Variants in NCKAP1 observed in about 807,000 individuals in gnomAD.
NCKAP1 encodes NCK associated protein 1.
NCKAP1 carries 21 observed loss-of-function variants against 151.2 expected under a neutral mutation model. The ratio of observed to expected loss-of-function variants is 0.14; its 90% CI spans 0.10 to 0.20. NCKAP1 has a LOEUF of 0.20. Ranked by LOEUF, NCKAP1 falls within the 10% of genes least tolerant of loss-of-function variation. The pLI is 1.00. For synonymous variants in NCKAP1, 484 were observed against 451.8 expected, an observed-to-expected ratio of 1.07 and a Z score of -0.90; for missense variants, 933 against 1,352.1, an observed-to-expected ratio of 0.69 and a Z score of 4.86.
chr2:183,025,614 A>C (rs1229315143), intron 1 of NCKAP1, among the ~76,000 whole-genome samples: 1 of 152,164 alleles, frequency 6.6e-6, no homozygotes, highest in African/African-American at 2.4e-5. Context: ...CTACTATGTA[A>C]ATTCCATTTC....
chr2:182,911,201 C>T lies in NCKAP1; in HGVS notation c.*14501G>A, dbSNP rs980265165. The T allele has an allele frequency of 6.6e-6, 1 of 152,592 alleles. No homozygotes were observed. 9.5% of individuals were successfully genotyped at this position (152,592 alleles called of 1,614,324 possible). A position where few individuals can be genotyped will look rare whatever the true frequency, so the allele number is the denominator to read the frequency against. On this transcript the variant is annotated 3_prime_UTR_variant, in exon 31 of 31. Transcript: ENST00000361354. ...TCCCTTTTTGCTCTTTGACAACTGA[C>T]CAGCATTCCTTCCTATTAAGGGAGT...
intron 14 of NCKAP1, among the ~76,000 whole-genome samples, chr2:182,978,618 T>C (rs889837754): frequency 1.3e-5 from 2 of 152,112 alleles, no homozygotes; most frequent in African/African-American, 2.4e-5. Context: ...TACAAAATGC[T>C]TTTTTTCCTG....
chr2:182,922,399 AAAGC>A lies in NCKAP1; in HGVS notation c.*3299_*3302del, dbSNP rs1428335013. ...GAACTCTGCTATATAAGCAAAGAAG[AAAGC>A]AAGCAAGCACATGATCAGAAGAGAA... is the stretch of plus-strand genomic sequence containing the variant. On this transcript the variant is annotated 3_prime_UTR_variant, in exon 31 of 31. Coordinates refer to ENST00000361354, the MANE Select transcript of NCKAP1 (RefSeq NM_013436.5). 6.6e-6 allele frequency: 1 copy of A among 152,226 alleles called. No individual in the cohort carries two copies. Among genetic ancestry groups the A allele is most frequent in the Non-Finnish European group, 1.5e-5 (1 of 68,054 alleles). The allele number at this position is 152,226 out of a possible 1,614,324, so 9.4% of individuals were successfully genotyped here. A position where few individuals can be genotyped will look rare whatever the true frequency, so the allele number is the denominator to read the frequency against.
intron 26 of NCKAP1, 92 bp from the exon 27 acceptor site, chr2:182,930,880 C>A: frequency 9.0e-7 from 1 of 1,112,936 alleles, no homozygotes; most frequent in Non-Finnish European, 1.3e-6. Flanking sequence ...AGAAGAACAC[C>A]AGAGAATTTC....
At chr2:182,938,200 C>T (rs1216275557) in intron 24 of NCKAP1, among the ~76,000 whole-genome samples, 1 of 151,854 alleles carries the variant, frequency 6.6e-6, no homozygotes, top group Non-Finnish European at 1.5e-5. Flanking sequence ...ATCTGGAGAT[C>T]AATAGAAGAG....
Position 182,976,963 on chromosome 2 carries a change from G to GAAAA in NCKAP1, c.1424-16_1424-13dup. ...TTCCCCATCTTCAACTGTAGTAATA[G>GAAAA]AAAAAAAAAAAAGATTACAAAGCAA... On this transcript the variant is annotated splice_polypyrimidine_tract_variant and intron_variant, in intron 14 of 30. Transcript: ENST00000361354. 1 of 1,173,766 alleles carries GAAAA rather than the reference G, an allele frequency of 8.5e-7. No individual in the cohort carries two copies. Among genetic ancestry groups the GAAAA allele is most frequent in the South Asian group, 1.7e-5 (1 of 57,942 alleles). 72.7% of individuals were successfully genotyped at this position (1,173,766 alleles called of 1,614,324 possible).
rs1696443900 is a variant in NCKAP1, at chr2:182,914,904, C to T, written c.*10798G>A. ...GAGGAGCATTGACTACCTTTTCCATCCCTTCCCTTTAAAGAAATCAGATTT... is the reference window on the plus strand; with the variant it reads ...GAGGAGCATTGACTACCTTTTCCATTCCTTCCCTTTAAAGAAATCAGATTT... On this transcript the variant is annotated 3_prime_UTR_variant, in exon 31 of 31. Coordinates refer to ENST00000361354, the MANE Select transcript of NCKAP1 (RefSeq NM_013436.5). 2.0e-5 allele frequency: 3 copies of T among 152,142 alleles called. No individual in the cohort carries two copies. The South Asian group carries it at 6.2e-4, about 32-fold the overall frequency. 9.4% of individuals were successfully genotyped at this position (152,142 alleles called of 1,614,324 possible).
rs188511922 is a variant in NCKAP1, at chr2:182,919,150, T to C, written c.*6552A>G. On this transcript the variant is annotated 3_prime_UTR_variant, in exon 31 of 31. Transcript: ENST00000361354. ...GGCTTTCAATAAACATTAGCTCTCA[T>C]TATTATTCTAGTCAGCATTTTTGGC... 12 of 152,330 alleles carry C rather than the reference T, an allele frequency of 7.9e-5. No homozygotes were observed. The highest frequency in any genetic ancestry group is 3.4e-3 in the Middle Eastern group (1 of 292). The allele number at this position is 152,330 out of a possible 1,614,324, so 9.4% of individuals were successfully genotyped here. A position where few individuals can be genotyped will look rare whatever the true frequency, so the allele number is the denominator to read the frequency against.
chr2:182,998,370 G>C (rs1698311531), intron 6 of NCKAP1, among the ~76,000 whole-genome samples: 2 of 151,788 alleles, frequency 1.3e-5, no homozygotes, highest in Non-Finnish European at 2.9e-5. Flanking sequence ...AGAAATAAAA[G>C]GCATCCAAAT....
chr2:183,032,416 G>A (rs1466442052), intron 1 of NCKAP1, among the ~76,000 whole-genome samples: 18 of 152,152 alleles, frequency 1.2e-4, no homozygotes. Context: ...GTGAACATCA[G>A]AGCGTACTTA....
intron 15 of NCKAP1, among the ~76,000 whole-genome samples, chr2:182,972,164 C>G (rs976260374): frequency 6.9e-5 from 9 of 131,234 alleles, no homozygotes; most frequent in African/African-American, 2.5e-4. Flanking sequence ...TATCTACGAA[C>G]TATTCAACAG....
intron 23 of NCKAP1, among the ~76,000 whole-genome samples, chr2:182,946,385 A>C (rs1453835028): frequency 4.0e-5 from 6 of 151,314 alleles, no homozygotes; most frequent in African/African-American, 1.5e-4. Context: ...TGGGCGACAG[A>C]GCGAGACTCT....
rs189086552 is a variant in NCKAP1 at position 182,961,600 on chromosome 2, G to T, written c.1881+559C>A. 2.2e-3 allele frequency among the ~76,000 whole-genome samples: 328 copies of T among 152,200 alleles called. 9 individuals carry two copies. The East Asian group carries it at 0.036, about 17-fold the overall frequency. On this transcript the variant is annotated intron_variant, in intron 18 of 30. Transcript: ENST00000361354. The stretch of plus-strand genomic sequence containing the variant: ...GTTGTGGGGTGGGGAAATTGGGGAG[G>T]GATAGCATTAGGAGATATACCTAAT...
chr2:182,974,325 A>G (rs1374411978), intron 15 of NCKAP1, among the ~76,000 whole-genome samples: 2 of 151,996 alleles, frequency 1.3e-5, no homozygotes, highest in South Asian at 2.1e-4. Flanking sequence ...TGCATGTTCT[A>G]AACGTGGTTA....
At chr2:183,006,819 C>G (rs1039579779) in intron 2 of NCKAP1, among the ~76,000 whole-genome samples, 1 of 152,100 alleles carries the variant, frequency 6.6e-6, no homozygotes, top group Non-Finnish European at 1.5e-5. Context: ...TACAACAGAA[C>G]ATTAGAAAAG....
chr2:183,030,209 G>C (rs908220484), intron 1 of NCKAP1, among the ~76,000 whole-genome samples: 2 of 152,176 alleles, frequency 1.3e-5, no homozygotes, highest in African/African-American at 2.4e-5. Context: ...TTATTTTTTT[G>C]AGACAGCATC....
intron 2 of NCKAP1, among the ~76,000 whole-genome samples, chr2:183,018,242 G>A (rs945231377): frequency 2.6e-5 from 4 of 152,014 alleles, no homozygotes; most frequent in East Asian, 1.9e-4. Flanking sequence ...GCAAGACTCC[G>A]TCTCAAAAAA....
At chr2:183,019,390 G>A (rs1195658289) in intron 2 of NCKAP1, among the ~76,000 whole-genome samples, 1 of 152,000 alleles carries the variant, frequency 6.6e-6, no homozygotes, top group Non-Finnish European at 1.5e-5. Flanking sequence ...AATTAGAAAA[G>A]TTTTAACATA....
At chr2:182,972,224 CAAA>C (rs56834438) in intron 15 of NCKAP1, among the ~76,000 whole-genome samples, 48 of 67,692 alleles carry the variant, frequency 7.1e-4, no homozygotes, top group Non-Finnish European at 9.7e-4. Context: ...AGCTTAATAG[CAAA>C]AAAAAAAAAA....
Sources: allele counts gnomAD v4.1 joint callset (sites outside exome capture counted in the v4.1 genomes callset), GRCh38; gene constraint gnomAD v4.1.1; transcripts MANE v1.5; gene names NCBI Gene and HGNC (gene_info 2026-07-23, HGNC 2026-07-21).